Variants in HMGCLL1 observed in about 807,000 individuals in gnomAD.
The protein encoded by HMGCLL1 is 3-hydroxy-3-methylglutaryl-CoA lyase like 1.
In HMGCLL1, 36 loss-of-function variants were observed where a neutral mutation model predicts 39.1. The ratio of observed to expected loss-of-function variants is 0.92; its 90% CI spans 0.71 to 1.22. The LOEUF (loss-of-function observed/expected upper bound fraction) is 1.22, where lower values mean the gene tolerates loss of function less well. Ranked by LOEUF, HMGCLL1 falls within the 50% of genes most tolerant of loss-of-function variation. HMGCLL1 has a pLI of 0.00. For synonymous variants in HMGCLL1, 149 were observed against 144.0 expected (o/e 1.03, Z -0.25); for missense variants, 451 against 416.5 (o/e 1.08, Z -0.72).
intron 7 of HMGCLL1, among the ~76,000 whole-genome samples, chr6:55,440,933 A>G (rs1387283810): frequency 2.6e-5 from 4 of 152,176 alleles, no homozygotes; most frequent in Non-Finnish European, 5.9e-5. Flanking sequence ...TTGTGAAGAT[A>G]AAACAGAATT....
intron 1 of HMGCLL1, among the ~76,000 whole-genome samples, chr6:55,544,166 A>G (rs180953468): frequency 2.2e-3 from 336 of 152,158 alleles, no homozygotes; most frequent in Non-Finnish European, 3.9e-3. Context: ...CCCTTGTTCT[A>G]CCTTTTGCTA....
At chr6:55,588,968 A>C in the HMGCLL1 span, among the ~76,000 whole-genome samples, 1 of 138,862 alleles carries the variant, frequency 7.2e-6, no homozygotes, top group Non-Finnish European at 1.6e-5. Flanking sequence ...GCCGAATTCT[A>C]CCACAGGTAC....
the HMGCLL1 span, among the ~76,000 whole-genome samples, chr6:55,634,835 A>C: frequency 2.0e-5 from 3 of 152,250 alleles, no homozygotes; most frequent in African/African-American, 7.2e-5. Flanking sequence ...CCTTTTGTGA[A>C]TAAAATCAAC....
chr6:55,497,276 A>G (rs1012301349), intron 6 of HMGCLL1, among the ~76,000 whole-genome samples: 1 of 152,068 alleles, frequency 6.6e-6, no homozygotes, highest in African/African-American at 2.4e-5. Context: ...CAGACAACAA[A>G]ACACCTTCTT....
chr6:55,449,688 G>A (rs536237332), intron 7 of HMGCLL1, among the ~76,000 whole-genome samples: 11 of 152,048 alleles, frequency 7.2e-5, no homozygotes, highest in East Asian at 5.8e-4. Flanking sequence ...AACGTTTTAC[G>A]ATTTTATTGG....
the HMGCLL1 span, among the ~76,000 whole-genome samples, chr6:55,669,117 A>T: frequency 2.0e-5 from 1 of 49,864 alleles, no homozygotes; most frequent in Non-Finnish European, 5.3e-5. Context: ...GGAGGAATTA[A>T]AAAAAAAAAA....
chr6:55,492,918 G>A (rs1413063264), intron 7 of HMGCLL1, among the ~76,000 whole-genome samples: 1 of 151,978 alleles, frequency 6.6e-6, no homozygotes, highest in Non-Finnish European at 1.5e-5. Context: ...AGACAGTCTA[G>A]TATCACAGGA....
chr6:55,495,680 C>A (rs1253752292), intron 6 of HMGCLL1, 73 bp from the exon 7 acceptor site: 11 of 1,112,496 alleles, frequency 9.9e-6, no homozygotes, highest in Non-Finnish European at 1.3e-5. Flanking sequence ...CCACAACTAA[C>A]ATCATCTAAA....
chr6:55,630,911 C>T, the HMGCLL1 span, among the ~76,000 whole-genome samples: 7 of 152,198 alleles, frequency 4.6e-5, no homozygotes, highest in African/African-American at 1.7e-4. Context: ...TTTTTATCAG[C>T]AGCATGAGAA....
chr6:55,676,209 A>G, the HMGCLL1 span, among the ~76,000 whole-genome samples: 1 of 152,190 alleles, frequency 6.6e-6, no homozygotes, highest in Admixed American at 6.6e-5. Context: ...ATCACAGAAC[A>G]AACACTCTTA....
At chr6:55,562,918 C>T (rs752273574) in intron 1 of HMGCLL1, among the ~76,000 whole-genome samples, 2 of 151,764 alleles carry the variant, frequency 1.3e-5, no homozygotes, top group South Asian at 2.1e-4. Context: ...CTTAAGAGCT[C>T]TAACTCCAAG....
intron 7 of HMGCLL1, among the ~76,000 whole-genome samples, chr6:55,463,867 T>C (rs2127398279): frequency 6.6e-6 from 1 of 152,268 alleles, no homozygotes; most frequent in African/African-American, 2.4e-5. Flanking sequence ...GTTTTAAGTC[T>C]CACCTCCAGG....
the HMGCLL1 span, among the ~76,000 whole-genome samples, chr6:55,613,413 A>G: frequency 6.6e-6 from 1 of 152,150 alleles, no homozygotes; most frequent in African/African-American, 2.4e-5. Context: ...AGAACGAGAA[A>G]TACCATATGA....
chr6:55,608,389 G>A, the HMGCLL1 span, among the ~76,000 whole-genome samples: 124 of 152,118 alleles, frequency 8.2e-4, no homozygotes, highest in African/African-American at 2.7e-3. Flanking sequence ...GTTTAGTTTC[G>A]CCCTTGCCCT....
intron 7 of HMGCLL1, among the ~76,000 whole-genome samples, chr6:55,456,209 C>G (rs1383218671): frequency 6.6e-6 from 1 of 152,090 alleles, no homozygotes; most frequent in Admixed American, 6.5e-5. Context: ...AGTGCCAAAC[C>G]CACACATATT....
At chr6:55,526,660 T>C (rs969168811) in intron 3 of HMGCLL1, among the ~76,000 whole-genome samples, 1 of 152,056 alleles carries the variant, frequency 6.6e-6, no homozygotes, top group Non-Finnish European at 1.5e-5. Flanking sequence ...TTAATAATGA[T>C]GGTAATAATG....
At chr6:55,606,824 C>T in the HMGCLL1 span, among the ~76,000 whole-genome samples, 1 of 151,414 alleles carries the variant, frequency 6.6e-6, no homozygotes, top group East Asian at 1.9e-4. Context: ...CAGGTGGGCC[C>T]AATGTAATCA....
At chr6:55,579,196 C>A (rs1771924131), upstream of HMGCLL1, 2 of 665,620 alleles carry the variant, frequency 3.0e-6, no homozygotes, top group Non-Finnish European at 2.6e-6. Flanking sequence ...GTTCTGCGCA[C>A]TGCGGCGGCG....
At chr6:55,566,006 C>T (rs77022384) in intron 1 of HMGCLL1, among the ~76,000 whole-genome samples, 11,826 of 152,060 alleles carry the variant, frequency 0.078, 1,008 homozygotes, top group African/African-American at 0.21. Context: ...GTTATCAGCC[C>T]TTACATCAAA....
Sources: allele counts gnomAD v4.1 joint callset (sites outside exome capture counted in the v4.1 genomes callset), GRCh38; gene constraint gnomAD v4.1.1; transcripts MANE v1.5; gene names NCBI Gene and HGNC (gene_info 2026-07-23, HGNC 2026-07-21).